Variants in CHUK observed in about 807,000 individuals in gnomAD.
CHUK encodes component of inhibitor of nuclear factor kappa B kinase complex, also known as inhibitor of nuclear factor kappa-B kinase subunit alpha.
CHUK carries 35 observed loss-of-function variants against 104.8 expected under a neutral mutation model. That is an observed-to-expected ratio of 0.33 (90% CI 0.26 to 0.44). CHUK has a LOEUF of 0.44. Ranked by LOEUF, CHUK falls within the 20% of genes least tolerant of loss-of-function variation. CHUK has a pLI of 1.00. For missense variants in CHUK, 663 were observed against 902.7 expected (o/e 0.73, Z 3.40); for synonymous variants, 276 against 291.9 (o/e 0.95, Z 0.56).
chr10:100,222,966 T>C lies in CHUK; in HGVS notation c.215A>G (p.Asn72Ser), dbSNP rs754635415. The C allele has an allele frequency of 5.7e-6, 9 of 1,578,134 alleles. No individual in the cohort carries two copies. Among genetic ancestry groups the C allele is most frequent in the Non-Finnish European group, 5.2e-6 (6 of 1,147,610 alleles). ...AGGAACATCACAGGCCTTTACAACATTGGCATGGTTCAACCTAATAAGAAA... is the reference window on the plus strand; with the variant it reads ...AGGAACATCACAGGCCTTTACAACACTGGCATGGTTCAACCTAATAAGAAA... The part of the protein sequence containing the change: ...IQIMKKLNHA[N>S]VVKACDVPEE... Residue 72 changes from asparagine to serine, a missense_variant, in exon 3 of 21, where the codon AAT (asparagine) becomes AGT (serine). By Grantham distance (46) the Asn-to-Ser change is conservative (BLOSUM62 1). Coordinates refer to ENST00000370397, the MANE Select transcript of CHUK (RefSeq NM_001278.5).
At chr10:100,198,422 A>AT (rs1202586895) in intron 16 of CHUK, among the ~76,000 whole-genome samples, 1 of 152,212 alleles carries the variant, frequency 6.6e-6, no homozygotes, top group Non-Finnish European at 1.5e-5. Context: ...TGAAACTGTC[A>AT]TTTTTTAAAA....
At chr10:100,204,772 TATCA>T (rs1480228482) in intron 12 of CHUK, 115 bp from the exon 13 acceptor site, 3 of 869,158 alleles carry the variant, frequency 3.5e-6, no homozygotes, top group Non-Finnish European at 5.3e-6. Flanking sequence ...AAGTTTCTAT[TATCA>T]ATCTATGAGA....
chr10:100,223,087 C>A, intron 2 of CHUK, 107 bp from the exon 3 acceptor site: 4 of 639,180 alleles, frequency 6.3e-6, no homozygotes, highest in Middle Eastern at 3.8e-4. Flanking sequence ...GGGGAAAGAT[C>A]AGTATTATTT....
chr10:100,229,049 AGTC>A (rs1846174231), intron 1 of CHUK, among the ~76,000 whole-genome samples: 1 of 149,972 alleles, frequency 6.7e-6, no homozygotes, highest in African/African-American at 2.4e-5. Context: ...TCCCAAAGGC[AGTC>A]CCCTTCAGCC....
At chr10:100,224,062 G>A (rs547100892) in intron 2 of CHUK, among the ~76,000 whole-genome samples, 4 of 150,706 alleles carry the variant, frequency 2.7e-5, no homozygotes, top group East Asian at 2.0e-4. Context: ...AAGATACGTC[G>A]GTTTTCATCT....
chr10:100,193,953 C>T, intron 18 of CHUK, 31 bp downstream of exon 18: 4 of 1,592,776 alleles, frequency 2.5e-6, no homozygotes, highest in Non-Finnish European at 3.4e-6. Flanking sequence ...AACTCAATGT[C>T]ACATTAAATA....
intron 4 of CHUK, among the ~76,000 whole-genome samples, chr10:100,221,030 A>T (rs922235930): frequency 9.9e-5 from 15 of 152,156 alleles, no homozygotes; most frequent in Admixed American, 7.2e-4. Context: ...GCAAAACCAA[A>T]ATCTATGGGG....
chr10:100,227,716 A>C (rs565870611), intron 1 of CHUK, among the ~76,000 whole-genome samples: 13 of 152,084 alleles, frequency 8.5e-5, no homozygotes, highest in Non-Finnish European at 1.9e-4. Flanking sequence ...AAACTTCCTC[A>C]GTTCTAACAG....
chr10:100,190,811 T>C, intron 20 of CHUK, 58 bp downstream of exon 20: 1 of 960,246 alleles, frequency 1.0e-6, no homozygotes. Context: ...GCATGGAAAG[T>C]TAAACCTTTT....
In CHUK at chr10:100,205,708, C is replaced by A. The variant is rs543828401; in HGVS notation, c.1232-509G>T. On this transcript the variant is annotated intron_variant, in intron 11 of 20. Coordinates refer to ENST00000370397, the MANE Select transcript of CHUK (RefSeq NM_001278.5). Reference sequence around the variant, plus strand: ...TTTGGGAAGCCAAGGCGGGCAGATCCCTTGAGGTCAGGAGTTCAAGAGCAG... The same window carrying A: ...TTTGGGAAGCCAAGGCGGGCAGATCACTTGAGGTCAGGAGTTCAAGAGCAG... Among the ~76,000 whole-genome samples, 5 of 152,182 alleles carry A rather than the reference C, an allele frequency of 3.3e-5. No individual in the cohort carries two copies. The East Asian group carries it at 9.7e-4, about 29-fold the overall frequency.
At chr10:100,200,132 A>G (rs1845427907) in intron 15 of CHUK, 112 bp from the exon 16 acceptor site, 1 of 831,760 alleles carries the variant, frequency 1.2e-6, no homozygotes, top group African/African-American at 1.7e-5. Flanking sequence ...AAGCAAGTTC[A>G]TATTGCCAAC....
intron 10 of CHUK, among the ~76,000 whole-genome samples, chr10:100,209,179 A>G (rs551050751): frequency 1.3e-5 from 2 of 152,350 alleles, no homozygotes; most frequent in South Asian, 2.1e-4. Flanking sequence ...TTACACATAG[A>G]CATATAGCTT....
At position 100,224,592 on chromosome 10, in the gene CHUK, A is replaced by G. The variant is rs183521090; in HGVS notation, c.200+1331T>C. ...GCTGGGATTACAGGCACCCGCCACC[A>G]CACCTGGCTAATTTTTGTATTTTTA... On this transcript the variant is annotated intron_variant, in intron 2 of 20. Transcript: ENST00000370397. Among the ~76,000 whole-genome samples, 187 of 151,960 alleles carry G rather than the reference A, an allele frequency of 1.2e-3. 3 individuals are homozygous for G. The highest frequency in any genetic ancestry group is 4.0e-3 in the African/African-American group (167 of 41,474).
intron 11 of CHUK, among the ~76,000 whole-genome samples, chr10:100,205,907 G>A (rs1188384064): frequency 2.6e-5 from 4 of 152,126 alleles, no homozygotes; most frequent in Admixed American, 6.6e-5. Flanking sequence ...CAGCCTGGGC[G>A]ACAAGAGTGA....
At chr10:100,202,205 G>T in intron 13 of CHUK, 56 bp from the exon 14 acceptor site, 1 of 1,147,074 alleles carries the variant, frequency 8.7e-7, no homozygotes, top group Non-Finnish European at 1.3e-6. Flanking sequence ...TTAATTACTG[G>T]CTGCCTGCCT....
At chr10:100,219,772 C>T (rs1321216279) in intron 5 of CHUK, among the ~76,000 whole-genome samples, 8 of 151,836 alleles carry the variant, frequency 5.3e-5, no homozygotes. Flanking sequence ...AAGCATCATA[C>T]CTCCTTATAG....
intron 9 of CHUK, among the ~76,000 whole-genome samples, chr10:100,215,184 G>C (rs1845823880): frequency 7.5e-6 from 1 of 133,686 alleles, no homozygotes; most frequent in Non-Finnish European, 1.5e-5. Context: ...GCAGTGAGTT[G>C]AGATCGTGAG....
intron 9 of CHUK, 58 bp from the exon 10 acceptor site, chr10:100,209,847 C>A (rs1356079136): frequency 5.2e-6 from 4 of 770,876 alleles, no homozygotes; most frequent in Non-Finnish European, 8.9e-6. Flanking sequence ...AAAAGATTCG[C>A]TGCCAGATAC....
intron 7 of CHUK, 43 bp downstream of exon 7, chr10:100,218,965 T>C (rs913199254): frequency 6.2e-6 from 10 of 1,610,360 alleles, no homozygotes; most frequent in Non-Finnish European, 7.6e-6. Context: ...TGAAAAAATT[T>C]CCATTCCCAT....
Sources: gnomAD v4.1 joint callset for allele counts (sites outside exome capture counted in the v4.1 genomes callset) on GRCh38, gnomAD v4.1.1 for gene constraint, MANE v1.5 for transcripts, NCBI Gene and HGNC (gene_info 2026-07-23, HGNC 2026-07-21) for gene names.